The following RBPJ variants were observed in gnomAD, a reference collection of about 807,000 sequenced individuals.
RBPJ encodes recombining binding protein suppressor of hairless.
RBPJ carries 9 observed loss-of-function variants against 67.8 expected under a neutral mutation model. The observed-to-expected ratio is 0.13, with a 90% confidence interval of 0.08 to 0.23. The LOEUF (loss-of-function observed/expected upper bound fraction) is 0.23. Among genes scored for constraint, RBPJ ranks in the 10% least tolerant of loss-of-function variants. The probability of loss-of-function intolerance (pLI) is 1.00; values close to 1 mark genes in which losing one functional copy is unlikely to be tolerated. For missense variants in RBPJ, 305 were observed against 595.6 expected, an observed-to-expected ratio of 0.51 and a Z score of 5.08; for synonymous variants, 198 against 203.3, an observed-to-expected ratio of 0.97 and a Z score of 0.22.
chr4:26,167,537 G>A (rs1716367968), intron 1 of RBPJ, among the ~76,000 whole-genome samples: 1 of 145,338 alleles, frequency 6.9e-6, no homozygotes, highest in Non-Finnish European at 1.5e-5. Flanking sequence ...TGGTGTATAA[G>A]AATGCTTGTG....
intron 1 of RBPJ, among the ~76,000 whole-genome samples, chr4:26,175,223 C>T (rs1716751990): frequency 6.6e-6 from 1 of 152,216 alleles, no homozygotes; most frequent in Admixed American, 6.5e-5. Context: ...AAGCCGACGA[C>T]AGCTGAGCTC....
upstream of RBPJ, among the ~76,000 whole-genome samples, chr4:26,317,120 G>T (rs1029890383): frequency 2.0e-5 from 3 of 151,544 alleles, no homozygotes; most frequent in African/African-American, 7.3e-5. Context: ...TATAATGGAA[G>T]GAGGCAGATA....
rs948459916 is a variant in RBPJ, at chr4:26,171,399, CA to C, written c.-167+7787del. Among the ~76,000 whole-genome samples, 5 of 151,838 alleles carry C rather than the reference CA, an allele frequency of 3.3e-5. No homozygotes were observed. The South Asian group carries it at 6.2e-4, about 19-fold the overall frequency. On this transcript the variant is annotated intron_variant, in intron 1 of 4. Coordinates refer to the RBPJ transcript ENST00000512351. ...TATCTATATTTTCAGAAGTCCTGCA[CA>C]ATAAAAAAAAGTCTCAAATTAGTTG...
chr4:26,108,494 A>G, the RBPJ span, among the ~76,000 whole-genome samples: 1 of 152,242 alleles, frequency 6.6e-6, no homozygotes. Context: ...AGTCTGCGCT[A>G]GAGCCAGGTT....
upstream of RBPJ, chr4:26,319,670 G>A (rs1476002734): frequency 4.6e-6 from 3 of 650,278 alleles, no homozygotes; most frequent in Non-Finnish European, 8.4e-6. Flanking sequence ...GTAGTGGAAG[G>A]CGGTGGGAAG....
chr4:26,338,384 G>C (rs1202665670), intron 1 of RBPJ, among the ~76,000 whole-genome samples: 2 of 151,814 alleles, frequency 1.3e-5, no homozygotes, highest in Non-Finnish European at 2.9e-5. Flanking sequence ...TCAATCTCTT[G>C]ACCTCGTGAT....
intron 1 of RBPJ, among the ~76,000 whole-genome samples, chr4:26,165,788 C>T (rs954404143): frequency 5.3e-5 from 8 of 151,232 alleles, no homozygotes; most frequent in Admixed American, 5.3e-4. Flanking sequence ...CATATGTATA[C>T]ATGTGCTATG....
chr4:26,288,502 C>A (rs751230309), intron 1 of RBPJ, among the ~76,000 whole-genome samples: 1 of 152,186 alleles, frequency 6.6e-6, no homozygotes, highest in African/African-American at 2.4e-5. Context: ...CTTATTCTCA[C>A]GGGTTGCACA....
upstream of RBPJ, among the ~76,000 whole-genome samples, chr4:26,162,960 G>T (rs937090459): frequency 6.6e-5 from 10 of 152,182 alleles, no homozygotes; most frequent in Non-Finnish European, 1.5e-4. Flanking sequence ...AAGAGGTTAA[G>T]CTTGGAGATG....
At chr4:26,305,490 T>C (rs954566253) in intron 1 of RBPJ, among the ~76,000 whole-genome samples, 1 of 152,166 alleles carries the variant, frequency 6.6e-6, no homozygotes, top group Non-Finnish European at 1.5e-5. Context: ...TCCTTTAACA[T>C]TTCTTTCAAC....
chr4:26,328,638 GTTT>G (rs34756225), intron 1 of RBPJ, among the ~76,000 whole-genome samples: 1 of 152,100 alleles, frequency 6.6e-6, no homozygotes, highest in Admixed American at 6.6e-5. Flanking sequence ...GCTGGTTGGT[GTTT>G]TTTAGAGACA....
intron 1 of RBPJ, among the ~76,000 whole-genome samples, chr4:26,274,669 CT>C (rs909417737): frequency 1.3e-5 from 2 of 151,984 alleles, no homozygotes; most frequent in Admixed American, 6.6e-5. Context: ...GGCACAGTGG[CT>C]CACACCTGTA....
chr4:26,343,520 A>C (rs1725765906), intron 1 of RBPJ, among the ~76,000 whole-genome samples: 1 of 151,620 alleles, frequency 6.6e-6, no homozygotes, highest in Non-Finnish European at 1.5e-5. Flanking sequence ...ACCCACTTTT[A>C]TTTCAGAAAA....
chr4:26,271,387 T>A (rs1720911081), intron 1 of RBPJ, among the ~76,000 whole-genome samples: 1 of 152,000 alleles, frequency 6.6e-6, no homozygotes. Flanking sequence ...TCCCTCTTCA[T>A]AAAGGAGAGG....
chr4:26,309,724 TA>T (rs1722362393), intron 1 of RBPJ, among the ~76,000 whole-genome samples: 1 of 152,212 alleles, frequency 6.6e-6, no homozygotes, highest in Non-Finnish European at 1.5e-5. Context: ...GGGCAAAGTT[TA>T]GGAAATAAAA....
At chr4:26,273,018 T>G (rs1720964972) in intron 1 of RBPJ, among the ~76,000 whole-genome samples, 1 of 152,194 alleles carries the variant, frequency 6.6e-6, no homozygotes, top group Admixed American at 6.5e-5. Context: ...AGATTTTCTT[T>G]CACTCCAAGT....
chr4:26,147,140 T>C, the RBPJ span, among the ~76,000 whole-genome samples: 1 of 152,120 alleles, frequency 6.6e-6, no homozygotes, highest in African/African-American at 2.4e-5. Flanking sequence ...TTGTAGAAAA[T>C]GCATTCCAAA....
chr4:26,415,627 A>G lies in RBPJ; in HGVS notation c.308A>G (p.Asn103Ser), dbSNP rs1734507863. The G allele has an allele frequency of 7.5e-6, 12 of 1,609,028 alleles. No individual in the cohort carries two copies. The highest frequency in any genetic ancestry group is 1.3e-5 in the African/African-American group (1 of 74,634). Residue 103 changes from asparagine to serine, a missense_variant, in exon 4 of 11, where the codon AAC becomes AGC. By Grantham distance (46) the Asn-to-Ser change is conservative. Coordinates refer to ENST00000355476, the MANE Select transcript of RBPJ (RefSeq NM_015874.6). ...GNSDQEMQQL[N>S]LEGKNYCTAK... ...AGTGACCAAGAAATGCAGCAGCTAA[A>G]CTTGGAAGGAAAGGTAAATCAAGAC...
At chr4:26,273,287 C>G (rs570068464) in intron 1 of RBPJ, among the ~76,000 whole-genome samples, 3 of 152,194 alleles carry the variant, frequency 2.0e-5, no homozygotes, top group Non-Finnish European at 2.9e-5. Flanking sequence ...AGAACTGTTA[C>G]CTCACCCGAG....
Sources: gnomAD v4.1 joint callset for allele counts (sites outside exome capture counted in the v4.1 genomes callset) on GRCh38, gnomAD v4.1.1 for gene constraint, MANE v1.5 for transcripts, NCBI Gene and HGNC (gene_info 2026-07-23, HGNC 2026-07-21) for gene names.